The following GALNT15 variants were observed in gnomAD, a reference collection of about 807,000 sequenced individuals.
GALNT15 encodes UDP-GalNAc transferase T15.
In GALNT15, 67 loss-of-function variants were observed where a neutral mutation model predicts 66.8. The observed-to-expected ratio is 1.00, with a 90% CI of 0.82 to 1.23. The LOEUF is 1.23. Among genes scored for constraint, GALNT15 ranks in the 50% most tolerant of loss-of-function variants. The pLI, the probability that GALNT15 is intolerant of heterozygous loss-of-function variation, is 0.00. For missense variants in GALNT15, 827 were observed against 804.3 expected, an observed-to-expected ratio of 1.03 and a Z score of -0.34; for synonymous variants, 313 against 311.5, an observed-to-expected ratio of 1.00 and a Z score of -0.05.
intron 3 of GALNT15, among the ~76,000 whole-genome samples, chr3:16,207,144 G>A (rs185196413): frequency 8.5e-5 from 13 of 152,250 alleles, no homozygotes; most frequent in African/African-American, 3.1e-4. Context: ...GTTACCTAAA[G>A]CCATAGATTA....
intron 1 of GALNT15, among the ~76,000 whole-genome samples, chr3:16,190,228 C>A (rs927815209): frequency 3.9e-5 from 6 of 152,298 alleles, no homozygotes; most frequent in Non-Finnish European, 8.8e-5. Context: ...GGGATGATGA[C>A]CATGGACTGC....
rs1019389081 is a variant in GALNT15 at position 16,176,934 on chromosome 3, C to T, written c.539+1244C>T. Among the ~76,000 whole-genome samples the T allele has an allele frequency of 1.1e-4, 17 of 152,114 alleles. No individual in the cohort carries two copies. The highest frequency in any genetic ancestry group is 2.2e-4 in the Non-Finnish European group (15 of 68,036). ...TGTGTGCCCCGGGTGCCTCACTCACCGCACCCTACTTCCATTTCAAACCCG... is the reference window on the plus strand; with the variant it reads ...TGTGTGCCCCGGGTGCCTCACTCACTGCACCCTACTTCCATTTCAAACCCG... On this transcript the variant is annotated intron_variant, in intron 1 of 9. Coordinates refer to ENST00000339732, the MANE Select transcript of GALNT15 (RefSeq NM_054110.5). The surrounding 1 kb of genome is among the most constrained non-coding windows in gnomAD (Gnocchi z 5.6).
chr3:16,217,164 T>C (rs1043859193), intron 6 of GALNT15, among the ~76,000 whole-genome samples: 3 of 152,220 alleles, frequency 2.0e-5, no homozygotes, highest in Non-Finnish European at 4.4e-5. Flanking sequence ...GAGTATACTA[T>C]AAAATGAAAT....
At chr3:16,216,488 G>C (rs1428878119) in intron 6 of GALNT15, among the ~76,000 whole-genome samples, 1 of 126,750 alleles carries the variant, frequency 7.9e-6, no homozygotes, top group African/African-American at 3.2e-5. Context: ...GCCAGAGCAA[G>C]ACTCTGTCTC....
At position 16,181,893 on chromosome 3, in the gene GALNT15, C is replaced by T. The variant is rs572088625; in HGVS notation, c.539+6203C>T. 1.3e-4 allele frequency among the ~76,000 whole-genome samples: 20 copies of T among 152,162 alleles called. No homozygotes were observed. The highest frequency in any genetic ancestry group is 4.6e-4 in the Admixed American group (7 of 15,294). ...TTCCAGCCCTCGAGTCCACAGTGGC[C>T]GCAGCAGAGGCAGTACCTCCTCTGG... On this transcript the variant is annotated intron_variant, in intron 1 of 9. Coordinates refer to ENST00000339732, the MANE Select transcript of GALNT15 (RefSeq NM_054110.5). This position sits in a 1 kb window ranked among gnomAD's most constrained non-coding sequence, Gnocchi z 5.9.
chr3:16,229,756 TTAG>T lies in GALNT15; in HGVS notation c.*2257_*2259del, dbSNP rs1444365111. The T allele has an allele frequency of 1.0e-6, 1 of 980,666 alleles. No individual in the cohort carries two copies. The highest frequency in any genetic ancestry group is 1.2e-6 in the Non-Finnish European group (1 of 825,714). The allele number at this position is 980,666 out of a possible 1,614,324, so 60.7% of individuals were successfully genotyped here. The stretch of plus-strand genomic sequence containing the variant: ...ACTGAATTTAATTGCATAAATTGTA[TTAG>T]GTGGCAATTAACAAAAGGACCCAGA... On this transcript the variant is annotated 3_prime_UTR_variant, in exon 10 of 10. Coordinates refer to ENST00000339732, the MANE Select transcript of GALNT15 (RefSeq NM_054110.5).
intron 9 of GALNT15, among the ~76,000 whole-genome samples, chr3:16,226,344 A>G (rs1347712758): frequency 6.6e-6 from 1 of 152,152 alleles, no homozygotes; most frequent in Non-Finnish European, 1.5e-5. Flanking sequence ...TATGATCTCT[A>G]TACTAGTCTG....
chr3:16,227,320 T>C lies in GALNT15; in HGVS notation c.1774-34T>C, dbSNP rs772035128. On this transcript the variant is annotated intron_variant, in intron 9 of 9. Coordinates refer to ENST00000339732, the MANE Select transcript of GALNT15 (RefSeq NM_054110.5). This position sits in a 1 kb window ranked among gnomAD's most constrained non-coding sequence, Gnocchi z 4.5. ...CTTTTGCTGACTGATTGTGGGGGAC[T>C]GGTTTTCTTTTCTTTTTTCCTTTCT... 8 of 1,595,906 alleles carry C rather than the reference T, an allele frequency of 5.0e-6. No homozygotes were observed. The highest frequency in any genetic ancestry group is 6.8e-6 in the Non-Finnish European group (8 of 1,173,642).
rs748995005 is a variant in GALNT15 at position 16,208,689 on chromosome 3, C to T, written c.1079+19C>T. 2 of 1,610,138 alleles carry T rather than the reference C, an allele frequency of 1.2e-6. No homozygotes were observed. Among genetic ancestry groups the T allele is most frequent in the Admixed American group, 1.7e-5 (1 of 59,926 alleles). Reference sequence around the variant, plus strand: ...CCATCAGGTGAGTCCCCATTTCACACCTGCTTTGCCATTGCCTCCTCAGGA... The same window carrying T: ...CCATCAGGTGAGTCCCCATTTCACATCTGCTTTGCCATTGCCTCCTCAGGA... On this transcript the variant is annotated intron_variant, in intron 4 of 9. Coordinates refer to ENST00000339732, the MANE Select transcript of GALNT15 (RefSeq NM_054110.5).
chr3:16,202,850 C>G (rs1255714138), intron 3 of GALNT15, among the ~76,000 whole-genome samples: 1 of 152,232 alleles, frequency 6.6e-6, no homozygotes, highest in Non-Finnish European at 1.5e-5. Flanking sequence ...ATTTCGCTAT[C>G]GAGAACCCTG....
Position 16,175,724 on chromosome 3 carries a change from C to T in GALNT15, c.539+34C>T. On this transcript the variant is annotated intron_variant, in intron 1 of 9. Coordinates refer to ENST00000339732, the MANE Select transcript of GALNT15 (RefSeq NM_054110.5). This position sits in a 1 kb window ranked among gnomAD's most constrained non-coding sequence, Gnocchi z 5.6. Reference sequence around the variant, plus strand: ...GGCCCTTGTTTTCCCTTCCCTGATCCCAGGGCATGATCGGGTGGTAGCAAA... The same window carrying T: ...GGCCCTTGTTTTCCCTTCCCTGATCTCAGGGCATGATCGGGTGGTAGCAAA... 6.6e-7 allele frequency: 1 copy of T among 1,517,448 alleles called. No individual in the cohort carries two copies. Among genetic ancestry groups the T allele is most frequent in the Non-Finnish European group, 8.8e-7 (1 of 1,130,142 alleles). The allele number at this position is 1,517,448 out of a possible 1,614,324, so 94.0% of individuals were successfully genotyped here.
intron 3 of GALNT15, 100 bp from the exon 4 acceptor site, chr3:16,208,403 G>T: frequency 8.6e-7 from 1 of 1,169,466 alleles, no homozygotes; most frequent in Non-Finnish European, 1.2e-6. Flanking sequence ...AGGTACGGGT[G>T]TCTGGTAGCC....
rs2063730055 is a variant in GALNT15 at position 16,203,905 on chromosome 3, G to A, written c.911+3082G>A. ...ACGTCGCCCACGTGCCTCATACAAAGCCAAGCTGTGGAAGGCATTTGGTGC... is the reference window on the plus strand; with the variant it reads ...ACGTCGCCCACGTGCCTCATACAAAACCAAGCTGTGGAAGGCATTTGGTGC... On this transcript the variant is annotated intron_variant, in intron 3 of 9. Coordinates refer to ENST00000339732, the MANE Select transcript of GALNT15 (RefSeq NM_054110.5). This position sits in a 1 kb window ranked among gnomAD's most constrained non-coding sequence, Gnocchi z 6.2. 1.3e-5 allele frequency among the ~76,000 whole-genome samples: 2 copies of A among 152,138 alleles called. No individual in the cohort carries two copies. The highest frequency in any genetic ancestry group is 1.3e-4 in the Admixed American group (2 of 15,262).
intron 1 of GALNT15, among the ~76,000 whole-genome samples, chr3:16,179,222 T>C (rs1298710783): frequency 6.6e-6 from 1 of 152,352 alleles, no homozygotes; most frequent in East Asian, 1.9e-4. Context: ...CAACTCTTCA[T>C]AGAAAACCTC....
chr3:16,177,462 T>G (rs762077486), intron 1 of GALNT15, among the ~76,000 whole-genome samples: 1 of 152,230 alleles, frequency 6.6e-6, no homozygotes, highest in Non-Finnish European at 1.5e-5. Context: ...GTGTGTGCAT[T>G]GCATTATGTG....
At chr3:16,232,439 T>C (rs902929110), downstream of GALNT15, among the ~76,000 whole-genome samples, 2 of 125,652 alleles carry the variant, frequency 1.6e-5, no homozygotes, top group Non-Finnish European at 3.3e-5. Context: ...GCCAGTCTCA[T>C]AGCCTGGCCT....
chr3:16,223,913 C>T (rs1298837120), intron 9 of GALNT15, among the ~76,000 whole-genome samples: 2 of 152,096 alleles, frequency 1.3e-5, no homozygotes, highest in African/African-American at 4.8e-5. Context: ...AAGTTGGTCT[C>T]AAACTCCTGA....
At chr3:16,222,499 T>A (rs1344952432) in intron 8 of GALNT15, 116 bp from the exon 9 acceptor site, 19 of 1,267,776 alleles carry the variant, frequency 1.5e-5, no homozygotes, top group African/African-American at 8.9e-5. Flanking sequence ...CTGACCCCGA[T>A]AGAATCTGAA....
At chr3:16,212,902 T>A (rs1384364074) in intron 6 of GALNT15, 139 bp downstream of exon 6, 6 of 698,550 alleles carry the variant, frequency 8.6e-6, no homozygotes, top group Non-Finnish European at 1.4e-5. Flanking sequence ...TGCCCTATTT[T>A]AAGTGGCTCC....
Sources: allele counts gnomAD v4.1 joint callset (sites outside exome capture counted in the v4.1 genomes callset), GRCh38; gene constraint gnomAD v4.1.1; non-coding constraint Gnocchi (gnomAD v3.1); transcripts MANE v1.5; gene names NCBI Gene and HGNC (gene_info 2026-07-23, HGNC 2026-07-21).